SPTSSB: variants seen among roughly 807,000 people sequenced by gnomAD.
SPTSSB encodes androgen down regulated in mouse prostate.
Under a neutral mutation model 7.7 loss-of-function variants are expected in SPTSSB, and 6 were observed. The ratio of observed to expected loss-of-function variants is 0.78; its 90% CI spans 0.43 to 1.54. SPTSSB has a LOEUF of 1.54. Among genes scored for constraint, SPTSSB ranks in the 40% most tolerant of loss-of-function variants. SPTSSB has a pLI of 0.01. For synonymous variants in SPTSSB, 28 were observed against 29.7 expected, an observed-to-expected ratio of 0.94 and a Z score of 0.19; for missense variants, 91 against 93.0, an observed-to-expected ratio of 0.98 and a Z score of 0.09.
At chr3:161,363,391 A>G (rs111598678) in intron 1 of SPTSSB, among the ~76,000 whole-genome samples, 6 of 152,052 alleles carry the variant, frequency 3.9e-5, no homozygotes, top group African/African-American at 1.4e-4. Flanking sequence ...GGTAGATCAG[A>G]TAAAGATAGT....
intron 2 of SPTSSB, chr3:161,347,920 A>G (rs771263571): frequency 2.4e-4 from 37 of 152,164 alleles, no homozygotes; most frequent in Non-Finnish European, 4.0e-4. Flanking sequence ...TAATGTGGTT[A>G]GGAGAATTCA....
At chr3:161,353,594 G>A (rs967580433) in intron 2 of SPTSSB, among the ~76,000 whole-genome samples, 3 of 151,998 alleles carry the variant, frequency 2.0e-5, no homozygotes, top group East Asian at 3.9e-4. Context: ...TTCTTGTCTC[G>A]GGGGCCTAAT....
chr3:161,355,693 A>G (rs1714741854), intron 2 of SPTSSB, among the ~76,000 whole-genome samples: 1 of 152,216 alleles, frequency 6.6e-6, no homozygotes, highest in African/African-American at 2.4e-5. Context: ...ACGCAGAAAT[A>G]CAGAGTTATT....
intron 2 of SPTSSB, among the ~76,000 whole-genome samples, chr3:161,354,219 C>CTGAAATAA (rs1408057853): frequency 5.9e-5 from 9 of 152,170 alleles, no homozygotes; most frequent in Non-Finnish European, 1.0e-4. Context: ...TGGAAGTTTA[C>CTGAAATAA]TGAAATAATA....
intron 2 of SPTSSB, among the ~76,000 whole-genome samples, chr3:161,351,785 T>G (rs2108157290): frequency 6.6e-6 from 1 of 152,352 alleles, no homozygotes; most frequent in Middle Eastern, 3.4e-3. Flanking sequence ...TGATTGTGTT[T>G]ACTACATTGA....
At chr3:161,368,511 C>G (rs1445767286) in intron 1 of SPTSSB, among the ~76,000 whole-genome samples, 1 of 151,258 alleles carries the variant, frequency 6.6e-6, no homozygotes, top group Non-Finnish European at 1.5e-5. Context: ...ACTGCAAGCT[C>G]CGCCTCCCGG....
intron 2 of SPTSSB, among the ~76,000 whole-genome samples, chr3:161,358,856 G>A (rs976906209): frequency 6.6e-6 from 1 of 152,134 alleles, no homozygotes; most frequent in South Asian, 2.1e-4. Context: ...ATCAAGGCTT[G>A]TTATCAATAA....
rs1201319684 is a variant in SPTSSB at position 161,369,310 on chromosome 3, CTTTCTCTTTCTT to C, written c.-126+2113_-126+2124del. On this transcript the variant is annotated intron_variant, in intron 1 of 2. Transcript: ENST00000620149. ...CTTTTCTTTCTTTCTTTCTTTCTTT[CTTTCTCTTTCTT>C]TCTTTCTTTCTTTCTTTCTTTCTTT... Among the ~76,000 whole-genome samples the C allele has an allele frequency of 8.4e-4, 33 of 39,448 alleles. No homozygotes were observed. The South Asian group carries it at 0.011, about 13-fold the overall frequency. The allele number at this position is 39,448 out of a possible 152,430, so 25.9% of individuals were successfully genotyped here.
intron 1 of SPTSSB, among the ~76,000 whole-genome samples, chr3:161,361,904 G>A (rs1240228491): frequency 6.6e-6 from 1 of 152,058 alleles, no homozygotes. Context: ...ATTGATGCTT[G>A]TTTCCTCCTA....
intron 1 of SPTSSB, among the ~76,000 whole-genome samples, chr3:161,369,286 TTTTCTTTCTTTC>T (rs149388545): frequency 3.9e-4 from 43 of 110,350 alleles, no homozygotes; most frequent in East Asian, 5.7e-4. Context: ...TCTTTCTTTC[TTTTCTTTCTTTC>T]TTTCTTTCTT....
intron 1 of SPTSSB, among the ~76,000 whole-genome samples, chr3:161,362,407 A>G (rs1484517133): frequency 6.6e-6 from 1 of 152,172 alleles, no homozygotes; most frequent in Admixed American, 6.6e-5. Context: ...CCTTTGGTAA[A>G]GAGTTCACAT....
intron 2 of SPTSSB, among the ~76,000 whole-genome samples, chr3:161,353,965 G>A (rs1440196229): frequency 6.6e-6 from 1 of 152,032 alleles, no homozygotes; most frequent in Non-Finnish European, 1.5e-5. Context: ...TCAGACCAGA[G>A]GTGAAGATTT....
intron 1 of SPTSSB, among the ~76,000 whole-genome samples, chr3:161,369,794 C>G (rs921659034): frequency 6.6e-6 from 1 of 151,970 alleles, no homozygotes; most frequent in African/African-American, 2.4e-5. Context: ...AGTGGCTGCA[C>G]CCATCCTTAC....
intron 1 of SPTSSB, among the ~76,000 whole-genome samples, chr3:161,370,963 T>C (rs1209342217): frequency 1.3e-5 from 2 of 152,234 alleles, no homozygotes; most frequent in Non-Finnish European, 2.9e-5. Flanking sequence ...AATGTTAAAA[T>C]GTATTCCTTG....
At chr3:161,347,774 G>A (rs1714324677) in intron 2 of SPTSSB, among the ~76,000 whole-genome samples, 1 of 152,044 alleles carries the variant, frequency 6.6e-6, no homozygotes, top group African/African-American at 2.4e-5. Flanking sequence ...TGGGGAGGCT[G>A]AGGCAGGAGA....
At chr3:161,369,308 TTCTTTC>T (rs1176917179) in intron 1 of SPTSSB, among the ~76,000 whole-genome samples, 3,801 of 59,246 alleles carry the variant, frequency 0.064, 155 homozygotes, top group African/African-American at 0.15. Flanking sequence ...CTTTCTTTCT[TTCTTTC>T]TCTTTCTTTC....
chr3:161,369,344 CTTT>C (rs1715391587), intron 1 of SPTSSB, among the ~76,000 whole-genome samples: 3 of 43,064 alleles, frequency 7.0e-5, no homozygotes, highest in African/African-American at 2.7e-4. Context: ...TTCTTTCTTT[CTTT>C]CTTTCTCTTT....
chr3:161,346,246 T>G lies in SPTSSB; in HGVS notation c.78A>C (p.Leu26Phe). The G allele has an allele frequency of 1.2e-6, 2 of 1,614,024 alleles. No homozygotes were observed. Among genetic ancestry groups the G allele is most frequent in the African/African-American group, 2.7e-5 (2 of 75,040 alleles). ...QYQIISCCAV[L>F]EPWERSMFNT... ...TAAACATAGATCGCTCCCAGGGCTC[T>G]AAAACAGCACAGCAGCTAATGATTT... Residue 26 changes from leucine (L) to phenylalanine (F), a missense_variant, in exon 3 of 3, where the codon TTA becomes TTC. By Grantham distance (22) the Leu-to-Phe change is conservative (BLOSUM62 0). Transcript: ENST00000620149.
chr3:161,347,177 T>TA (rs1424451558), intron 2 of SPTSSB, among the ~76,000 whole-genome samples: 1 of 152,228 alleles, frequency 6.6e-6, no homozygotes, highest in Non-Finnish European at 1.5e-5. Flanking sequence ...AAAATATTCT[T>TA]AAATACTCTT....
Sources: allele counts gnomAD v4.1 joint callset (sites outside exome capture counted in the v4.1 genomes callset), GRCh38; gene constraint gnomAD v4.1.1; transcripts MANE v1.5; gene names NCBI Gene and HGNC (gene_info 2026-07-23, HGNC 2026-07-21).